VEGFC: variants seen among roughly 807,000 people sequenced by gnomAD.
VEGFC encodes FLT4 ligand DHM.
A neutral mutation model predicts 46.1 loss-of-function variants in VEGFC; 12 were observed. That is an observed-to-expected ratio of 0.26 (90% CI 0.17 to 0.42). The LOEUF (loss-of-function observed/expected upper bound fraction) is 0.42, where lower values mean the gene tolerates loss of function less well. Ranked by LOEUF, VEGFC falls within the 10% of genes least tolerant of loss-of-function variation. VEGFC has a pLI of 1.00. For synonymous variants in VEGFC, 232 were observed against 195.5 expected, an observed-to-expected ratio of 1.19 and a Z score of -1.56; for missense variants, 488 against 529.4, an observed-to-expected ratio of 0.92 and a Z score of 0.77.
chr4:176,735,991 C>T (rs903848529), intron 1 of VEGFC, among the ~76,000 whole-genome samples: 4 of 151,784 alleles, frequency 2.6e-5, no homozygotes, highest in African/African-American at 7.3e-5. Flanking sequence ...ATAGGTGCAC[C>T]TGTTCATTCA....
intron 1 of VEGFC, among the ~76,000 whole-genome samples, chr4:176,743,579 GATAT>G (rs1430162003): frequency 6.7e-6 from 1 of 149,614 alleles, no homozygotes; most frequent in African/African-American, 2.4e-5. Context: ...ATATTATACC[GATAT>G]ATAAATATAT....
Position 176,736,678 on chromosome 4 carries a change from G to C in VEGFC, c.148-6932C>G, listed in dbSNP as rs76323630. 2.5e-3 allele frequency among the ~76,000 whole-genome samples: 377 copies of C among 151,750 alleles called. 1 individual carries two copies. The highest frequency in any genetic ancestry group is 4.7e-3 in the Non-Finnish European group (319 of 67,788). On this transcript the variant is annotated intron_variant, in intron 1 of 6. Coordinates refer to ENST00000618562, the MANE Select transcript of VEGFC (RefSeq NM_005429.5). ...ATAAAAGACTCTTTCTTGGTTGTAA[G>C]TACTCATTTGAATGAAAATATTTCT...
At chr4:176,744,561 C>G (rs1579118913) in intron 1 of VEGFC, among the ~76,000 whole-genome samples, 2 of 151,932 alleles carry the variant, frequency 1.3e-5, no homozygotes. Context: ...TGAAAGATGG[C>G]ATTTAGCAGA....
At chr4:176,731,641 C>A (rs1193341558) in intron 1 of VEGFC, among the ~76,000 whole-genome samples, 1 of 151,840 alleles carries the variant, frequency 6.6e-6, no homozygotes, top group African/African-American at 2.4e-5. Context: ...CTCTCCACTA[C>A]AAGTCAGCTG....
chr4:176,685,750 A>G (rs184574128), intron 6 of VEGFC, among the ~76,000 whole-genome samples: 122 of 152,218 alleles, frequency 8.0e-4, no homozygotes, highest in South Asian at 5.2e-3. Flanking sequence ...GTAGGAATAT[A>G]TAGGTAAAAT....
At chr4:176,755,365 T>A (rs909716754) in intron 1 of VEGFC, among the ~76,000 whole-genome samples, 5 of 152,052 alleles carry the variant, frequency 3.3e-5, no homozygotes, top group Admixed American at 3.3e-4. Flanking sequence ...TTAACAAGAC[T>A]TTTTGTATAA....
At chr4:176,739,335 T>C (rs1735115469) in intron 1 of VEGFC, among the ~76,000 whole-genome samples, 1 of 151,440 alleles carries the variant, frequency 6.6e-6, no homozygotes, top group Non-Finnish European at 1.5e-5. Context: ...ATCATTATAT[T>C]ACAAAATCAT....
intron 1 of VEGFC, among the ~76,000 whole-genome samples, chr4:176,739,585 C>T (rs1735120088): frequency 2.0e-5 from 3 of 151,652 alleles, no homozygotes; most frequent in Non-Finnish European, 2.9e-5. Flanking sequence ...CACACTGGGG[C>T]CTGTTGTGGG....
intron 1 of VEGFC, among the ~76,000 whole-genome samples, chr4:176,773,887 G>T (rs1322927959): frequency 5.3e-5 from 8 of 151,834 alleles, no homozygotes; most frequent in Admixed American, 2.0e-4. Context: ...TAGAGATGGG[G>T]TCTCACCGTG....
intron 3 of VEGFC, among the ~76,000 whole-genome samples, chr4:176,727,089 C>T (rs565161586): frequency 7.9e-4 from 121 of 152,318 alleles, no homozygotes; most frequent in Non-Finnish European, 1.6e-3. Context: ...CCAGCACATA[C>T]GCGTGTTCCA....
At chr4:176,732,176 C>A (rs1734979487) in intron 1 of VEGFC, among the ~76,000 whole-genome samples, 1 of 151,838 alleles carries the variant, frequency 6.6e-6, no homozygotes, top group African/African-American at 2.4e-5. Flanking sequence ...TAAAACACTG[C>A]ATGAATACTG....
At chr4:176,722,855 A>G (rs1186549430) in intron 3 of VEGFC, among the ~76,000 whole-genome samples, 1 of 152,088 alleles carries the variant, frequency 6.6e-6, no homozygotes, top group African/African-American at 2.4e-5. Context: ...TTGATAGAGC[A>G]ATTTTTATGC....
chr4:176,788,194 C>T (rs1022244375), intron 1 of VEGFC, among the ~76,000 whole-genome samples: 1 of 152,180 alleles, frequency 6.6e-6, no homozygotes, highest in Admixed American at 6.5e-5. Flanking sequence ...CTTGTTAAGC[C>T]TCCAGTTAAG....
chr4:176,725,123 A>T (rs527814745), intron 3 of VEGFC, among the ~76,000 whole-genome samples: 1 of 152,172 alleles, frequency 6.6e-6, no homozygotes, highest in African/African-American at 2.4e-5. Context: ...GGATATCCCA[A>T]TTACCCTGAT....
chr4:176,726,453 T>C (rs1734874840), intron 3 of VEGFC, among the ~76,000 whole-genome samples: 1 of 152,148 alleles, frequency 6.6e-6, no homozygotes, highest in Admixed American at 6.6e-5. Flanking sequence ...AGAGGCAAGC[T>C]GAATAGAAAA....
chr4:176,685,020 C>T (rs1254283467), intron 6 of VEGFC, among the ~76,000 whole-genome samples: 2 of 152,108 alleles, frequency 1.3e-5, no homozygotes, highest in Non-Finnish European at 2.9e-5. Context: ...AGCCACCACG[C>T]CTGGTGAGAA....
chr4:176,703,544 C>T (rs543505054), intron 4 of VEGFC, among the ~76,000 whole-genome samples: 5 of 152,014 alleles, frequency 3.3e-5, no homozygotes, highest in Admixed American at 2.0e-4. Context: ...ATAGAAGAAA[C>T]AAGTTCTAGT....
intron 1 of VEGFC, among the ~76,000 whole-genome samples, chr4:176,789,845 G>T (rs139942377): frequency 5.5e-4 from 84 of 152,158 alleles, no homozygotes; most frequent in Middle Eastern, 6.8e-3. Flanking sequence ...GGCTAACCTT[G>T]GTTCATAGTT....
intron 1 of VEGFC, among the ~76,000 whole-genome samples, chr4:176,759,132 T>C (rs551953144): frequency 6.6e-6 from 1 of 152,340 alleles, no homozygotes; most frequent in South Asian, 2.1e-4. Flanking sequence ...TATTGAACTT[T>C]GGAACTGTCA....
Sources: gnomAD v4.1 joint callset for allele counts (sites outside exome capture counted in the v4.1 genomes callset) on GRCh38, gnomAD v4.1.1 for gene constraint, MANE v1.5 for transcripts, NCBI Gene and HGNC (gene_info 2026-07-23, HGNC 2026-07-21) for gene names.